The following DMRT1 variants were observed in gnomAD, a reference collection of about 807,000 sequenced individuals.
DMRT1 encodes the protein doublesex and mab-3 related transcription factor 1.
In DMRT1, 7 loss-of-function variants were observed where a neutral mutation model predicts 32.3. The observed-to-expected ratio is 0.22, with a 90% CI of 0.12 to 0.41. The LOEUF is 0.41. Ranked by LOEUF, DMRT1 falls within the 10% of genes least tolerant of loss-of-function variation. The pLI, the probability that DMRT1 is intolerant of heterozygous loss-of-function variation, is 1.00. For synonymous variants in DMRT1, 278 were observed against 206.1 expected, an observed-to-expected ratio of 1.35 and a Z score of -2.99; for missense variants, 625 against 500.5, an observed-to-expected ratio of 1.25 and a Z score of -2.37.
intron 2 of DMRT1, among the ~76,000 whole-genome samples, chr9:870,956 C>T (rs182084787): frequency 3.9e-5 from 6 of 151,940 alleles, no homozygotes; most frequent in Admixed American, 3.3e-4. Flanking sequence ...TCAGCTGATC[C>T]TCCTGACACC....
chr9:894,086 A>G lies in DMRT1; in HGVS notation c.713A>G (p.Asp238Gly). Residue 238 changes from aspartate to glycine, a missense_variant, in exon 3 of 5, where the codon GAT becomes GGT. Coordinates refer to ENST00000382276, the MANE Select transcript of DMRT1 (RefSeq NM_021951.3). Reference sequence around the variant, plus strand: ...CAGTACTCCATGGCCTTGGCTGCTGATTCTGCTTCTGGGGAGGTGGGAAAT... The same window carrying G: ...CAGTACTCCATGGCCTTGGCTGCTGGTTCTGCTTCTGGGGAGGTGGGAAAT... Reference protein sequence around the residue: ...CPQYSMALAADSASGEVGNPL... With the variant: ...CPQYSMALAAGSASGEVGNPL... The G allele has an allele frequency of 6.2e-7, 1 of 1,614,240 alleles. No homozygotes were observed. The highest frequency in any genetic ancestry group is 8.5e-7 in the Non-Finnish European group (1 of 1,180,048).
intron 4 of DMRT1, among the ~76,000 whole-genome samples, chr9:967,140 A>G (rs1313954540): frequency 1.3e-5 from 2 of 152,222 alleles, no homozygotes; most frequent in Non-Finnish European, 2.9e-5. Context: ...CTTCCCCTTA[A>G]TTACATTCAC....
At chr9:927,031 C>T (rs1295579809) in intron 4 of DMRT1, among the ~76,000 whole-genome samples, 1 of 152,214 alleles carries the variant, frequency 6.6e-6, no homozygotes, top group East Asian at 1.9e-4. Flanking sequence ...TTAGAGCTTC[C>T]AGCATCCTCA....
At chr9:921,922 A>C (rs1818366763) in intron 4 of DMRT1, among the ~76,000 whole-genome samples, 1 of 152,210 alleles carries the variant, frequency 6.6e-6, no homozygotes, top group Non-Finnish European at 1.5e-5. Context: ...GCTCTGTAGC[A>C]CAGGCAGGCA....
intron 4 of DMRT1, among the ~76,000 whole-genome samples, chr9:960,819 T>A (rs547278959): frequency 6.6e-6 from 1 of 152,224 alleles, no homozygotes; most frequent in South Asian, 2.1e-4. Flanking sequence ...TGCTGCCTCT[T>A]CGAGCTCAAG....
chr9:923,968 G>T (rs1224511109), intron 4 of DMRT1, among the ~76,000 whole-genome samples: 1 of 152,120 alleles, frequency 6.6e-6, no homozygotes, highest in Non-Finnish European at 1.5e-5. Context: ...GGGGCTTTCA[G>T]TGGCAACAAG....
chr9:884,481 G>A (rs1404901758), intron 2 of DMRT1, among the ~76,000 whole-genome samples: 2 of 152,144 alleles, frequency 1.3e-5, no homozygotes, highest in African/African-American at 2.4e-5. Context: ...AGGTGACTGA[G>A]CTCATAAGCA....
At chr9:956,573 A>AT (rs1564276009) in intron 4 of DMRT1, among the ~76,000 whole-genome samples, 1 of 127,760 alleles carries the variant, frequency 7.8e-6, no homozygotes, top group African/African-American at 2.6e-5. Flanking sequence ...CAAAAAAAAA[A>AT]AAAACAAAAA....
At chr9:967,900 T>G (rs1819981887) in intron 4 of DMRT1, 85 bp from the exon 5 acceptor site, 3 of 1,289,964 alleles carry the variant, frequency 2.3e-6, no homozygotes, top group Non-Finnish European at 1.1e-6. Context: ...GTAACCTAAT[T>G]GAATAATGAA....
intron 2 of DMRT1, among the ~76,000 whole-genome samples, chr9:877,017 A>G (rs1998436): frequency 0.02 from 2,569 of 129,392 alleles, 8 homozygotes; most frequent in East Asian, 0.044. Flanking sequence ...TTCCAGTTAC[A>G]TGTGTGTCCT....
At chr9:892,982 C>G (rs1409578670) in intron 2 of DMRT1, among the ~76,000 whole-genome samples, 1 of 152,092 alleles carries the variant, frequency 6.6e-6, no homozygotes, top group African/African-American at 2.4e-5. Flanking sequence ...AACTCAGGTG[C>G]AGTTTTGTCC....
At chr9:845,244 C>G (rs552966077) in intron 1 of DMRT1, among the ~76,000 whole-genome samples, 1 of 152,130 alleles carries the variant, frequency 6.6e-6, no homozygotes, top group East Asian at 1.9e-4. Context: ...GAGTCTTGCT[C>G]CATTGCCCAG....
chr9:841,733 C>T lies in DMRT1; in HGVS notation c.-106C>T, dbSNP rs1838686739. 11 of 1,545,508 alleles carry T rather than the reference C, an allele frequency of 7.1e-6. No homozygotes were observed. In the South Asian group the frequency reaches 1.2e-4, roughly 17 times the overall value. On this transcript the variant is annotated 5_prime_UTR_variant, in exon 1 of 5. Coordinates refer to ENST00000382276, the MANE Select transcript of DMRT1 (RefSeq NM_021951.3). ...GCCTCCGGCTGCAGCGCACACGTCT[C>T]CTGCGCCTCCTCCTCCGGAGCGTCG...
chr9:881,942 A>T (rs1245153827), intron 2 of DMRT1, among the ~76,000 whole-genome samples: 2 of 152,238 alleles, frequency 1.3e-5, no homozygotes, highest in Non-Finnish European at 1.5e-5. Context: ...GAATTGGCCT[A>T]AAGAGAGAAA....
chr9:925,387 C>T (rs1818487529), intron 4 of DMRT1, among the ~76,000 whole-genome samples: 1 of 152,244 alleles, frequency 6.6e-6, no homozygotes, highest in Non-Finnish European at 1.5e-5. Context: ...GTAGAATCTT[C>T]CCTTTGCAAA....
At chr9:945,136 A>G (rs1819200106) in intron 4 of DMRT1, among the ~76,000 whole-genome samples, 1 of 152,068 alleles carries the variant, frequency 6.6e-6, no homozygotes, top group Non-Finnish European at 1.5e-5. Context: ...GCTAGACTCT[A>G]ATGTTTTTGT....
At chr9:899,153 A>G (rs1468457959) in intron 3 of DMRT1, among the ~76,000 whole-genome samples, 5 of 152,154 alleles carry the variant, frequency 3.3e-5, no homozygotes, top group Non-Finnish European at 7.3e-5. Context: ...ATCAAGAAAG[A>G]TTCAAATCTT....
intron 2 of DMRT1, among the ~76,000 whole-genome samples, chr9:864,730 A>G (rs10815914): frequency 0.071 from 10,503 of 147,574 alleles, 1,033 homozygotes; most frequent in African/African-American, 0.22. Flanking sequence ...TCCATCTCCT[A>G]ACCTTGCGAT....
chr9:905,473 C>CGTGT (rs745430195), intron 3 of DMRT1, among the ~76,000 whole-genome samples: 1,898 of 143,556 alleles, frequency 0.013, 25 homozygotes, highest in African/African-American at 0.036. Flanking sequence ...CTCCCTTGCC[C>CGTGT]CTGTGTGTGT....
Sources: allele counts gnomAD v4.1 joint callset (sites outside exome capture counted in the v4.1 genomes callset), GRCh38; gene constraint gnomAD v4.1.1; transcripts MANE v1.5; gene names NCBI Gene and HGNC (gene_info 2026-07-23, HGNC 2026-07-21).